The following NEGR1 variants were observed in gnomAD, a reference collection of about 807,000 sequenced individuals.
The protein encoded by NEGR1 is neuronal growth regulator 1.
NEGR1 carries 10 observed loss-of-function variants against 40.9 expected under a neutral mutation model. The observed-to-expected ratio is 0.24, with a 90% CI of 0.15 to 0.42. NEGR1 has a LOEUF of 0.42. NEGR1 is among the 10% of genes least tolerant of loss of function. The probability of loss-of-function intolerance (pLI) is 1.00; values close to 1 mark genes in which losing one functional copy is unlikely to be tolerated. For synonymous variants in NEGR1, 185 were observed against 166.8 expected (o/e 1.11, Z -0.84); for missense variants, 352 against 438.9 (o/e 0.80, Z 1.77).
At chr1:72,035,684 G>C (rs1213989270) in intron 1 of NEGR1, among the ~76,000 whole-genome samples, 1 of 152,120 alleles carries the variant, frequency 6.6e-6, no homozygotes, top group African/African-American at 2.4e-5. Flanking sequence ...ATGGCATAAA[G>C]CCTTCCATAA....
intron 4 of NEGR1, among the ~76,000 whole-genome samples, chr1:71,656,558 G>A (rs923091927): frequency 8.5e-5 from 13 of 152,130 alleles, no homozygotes; most frequent in South Asian, 2.1e-4. Context: ...GATTACAGGC[G>A]CCCGCCACCG....
At chr1:72,188,187 ATAAT>A (rs1298276397) in intron 1 of NEGR1, among the ~76,000 whole-genome samples, 2 of 151,500 alleles carry the variant, frequency 1.3e-5, no homozygotes, top group African/African-American at 4.8e-5. Context: ...TGAAAATATC[ATAAT>A]TAAATTTCAA....
intron 1 of NEGR1, among the ~76,000 whole-genome samples, chr1:71,993,104 T>G (rs2100362748): frequency 6.6e-6 from 1 of 152,316 alleles, no homozygotes; most frequent in East Asian, 1.9e-4. Context: ...GGCAAATTGC[T>G]CAGCAGGTTG....
At chr1:71,919,597 T>C (rs928789244) in intron 2 of NEGR1, among the ~76,000 whole-genome samples, 64 of 151,734 alleles carry the variant, frequency 4.2e-4, no homozygotes, top group African/African-American at 1.4e-3. Flanking sequence ...ATTTTGCATA[T>C]ACTCTCGTTG....
chr1:72,108,376 G>A (rs998559934), intron 1 of NEGR1, among the ~76,000 whole-genome samples: 1 of 151,486 alleles, frequency 6.6e-6, no homozygotes. Context: ...TTGCCTCAGG[G>A]TCACTAGAGT....
intron 1 of NEGR1, among the ~76,000 whole-genome samples, chr1:72,029,625 CA>C (rs931161673): frequency 6.6e-6 from 1 of 152,084 alleles, no homozygotes; most frequent in African/African-American, 2.4e-5. Flanking sequence ...AAACAGAAAA[CA>C]ATGTGCTGAA....
intron 2 of NEGR1, among the ~76,000 whole-genome samples, chr1:71,919,966 G>A (rs916122515): frequency 6.6e-6 from 1 of 152,132 alleles, no homozygotes; most frequent in Non-Finnish European, 1.5e-5. Flanking sequence ...AGCTCCAGCT[G>A]TGGCTCTCCA....
intron 1 of NEGR1, among the ~76,000 whole-genome samples, chr1:72,088,133 TAATTA>T (rs1443124051): frequency 6.6e-6 from 1 of 152,196 alleles, no homozygotes; most frequent in Non-Finnish European, 1.5e-5. Flanking sequence ...CTTTGATGGC[TAATTA>T]AATTAATTTG....
At chr1:71,460,739 G>C (rs1345929709) in intron 6 of NEGR1, among the ~76,000 whole-genome samples, 3 of 152,144 alleles carry the variant, frequency 2.0e-5, no homozygotes, top group African/African-American at 4.8e-5. Context: ...GTTATCTGGA[G>C]AAAGATGTCA....
intron 2 of NEGR1, among the ~76,000 whole-genome samples, chr1:71,815,396 G>A (rs1417233497): frequency 6.6e-6 from 1 of 152,046 alleles, no homozygotes; most frequent in African/African-American, 2.4e-5. Flanking sequence ...TTTTTGGGTG[G>A]AGAGTTCTGT....
intron 4 of NEGR1, among the ~76,000 whole-genome samples, chr1:71,680,552 T>G: frequency 6.6e-6 from 1 of 152,144 alleles, no homozygotes; most frequent in East Asian, 1.9e-4. Context: ...TTTTCTATTT[T>G]TAATATTAAA....
At position 71,650,009 on chromosome 1, in the gene NEGR1, C is replaced by A. The variant is rs115697542; in HGVS notation, c.668-38863G>T. ...ATGAGAAAATACAGGAATTATACTCCATATGGAATATAAAACAAAATAAGT... is the reference window on the plus strand; with the variant it reads ...ATGAGAAAATACAGGAATTATACTCAATATGGAATATAAAACAAAATAAGT... On this transcript the variant is annotated intron_variant, in intron 4 of 6. Transcript: ENST00000357731. Among the ~76,000 whole-genome samples, 621 of 152,132 alleles carry A rather than the reference C, an allele frequency of 4.1e-3. 6 individuals carry two copies. Among genetic ancestry groups the A allele is most frequent in the African/African-American group, 0.014 (592 of 41,518 alleles).
At chr1:71,923,582 C>T (rs558109337) in intron 2 of NEGR1, among the ~76,000 whole-genome samples, 91 of 152,298 alleles carry the variant, frequency 6.0e-4, no homozygotes, top group African/African-American at 2.2e-3. Context: ...ACAAGTGTAT[C>T]TTACATGTCT....
At chr1:71,908,743 A>T (rs1557428313) in intron 2 of NEGR1, among the ~76,000 whole-genome samples, 3 of 152,184 alleles carry the variant, frequency 2.0e-5, no homozygotes, top group Non-Finnish European at 4.4e-5. Flanking sequence ...CATTATTTTA[A>T]ATATATGCAG....
chr1:72,272,566 T>C (rs1035970654), intron 1 of NEGR1, among the ~76,000 whole-genome samples: 3 of 151,944 alleles, frequency 2.0e-5, no homozygotes, highest in Non-Finnish European at 4.4e-5. Context: ...ATTCACAATA[T>C]CTCTTAAATT....
chr1:71,732,253 A>G (rs1194600121), intron 3 of NEGR1, among the ~76,000 whole-genome samples: 2 of 152,102 alleles, frequency 1.3e-5, no homozygotes, highest in African/African-American at 4.8e-5. Flanking sequence ...GGCTGCAGTG[A>G]GCCGACATTG....
intron 6 of NEGR1, among the ~76,000 whole-genome samples, chr1:71,581,698 A>ATTT (rs34224525): frequency 1.4e-5 from 2 of 143,282 alleles, no homozygotes; most frequent in African/African-American, 2.5e-5. Context: ...ATTATACACA[A>ATTT]TTTTTTTTTT....
intron 3 of NEGR1, among the ~76,000 whole-genome samples, chr1:71,758,254 T>C (rs956771829): frequency 3.3e-5 from 5 of 152,092 alleles, no homozygotes; most frequent in Admixed American, 1.3e-4. Context: ...TAGAAAATGA[T>C]CTAGTCATGT....
intron 2 of NEGR1, among the ~76,000 whole-genome samples, chr1:71,787,404 T>C (rs962543559): frequency 6.6e-6 from 1 of 152,188 alleles, no homozygotes; most frequent in Non-Finnish European, 1.5e-5. Flanking sequence ...AAGTAACATA[T>C]ATGAGTAATG....
Sources: allele counts gnomAD v4.1 joint callset (sites outside exome capture counted in the v4.1 genomes callset), GRCh38; gene constraint gnomAD v4.1.1; transcripts MANE v1.5; gene names NCBI Gene and HGNC (gene_info 2026-07-23, HGNC 2026-07-21).